Variants in FGF12 observed in about 807,000 individuals in gnomAD.
FGF12 encodes fibroblast growth factor 12, also known as fibroblast growth factor 12B.
Under a neutral mutation model 23.6 loss-of-function variants are expected in FGF12, and 14 were observed. That is an observed-to-expected ratio of 0.59 (90% CI 0.39 to 0.93). The LOEUF is 0.93. Among genes scored for constraint, FGF12 ranks in the 40% least tolerant of loss-of-function variants. The probability of loss-of-function intolerance (pLI) is 0.00; values close to 1 mark genes in which losing one functional copy is unlikely to be tolerated. For missense variants in FGF12, 175 were observed against 217.8 expected (o/e 0.80, Z 1.24); for synonymous variants, 62 against 77.3 (o/e 0.80, Z 1.04).
intron 4 of FGF12, among the ~76,000 whole-genome samples, chr3:192,231,716 G>A (rs891243476): frequency 6.6e-6 from 1 of 151,972 alleles, no homozygotes; most frequent in African/African-American, 2.4e-5. Flanking sequence ...GTTGCAGTGA[G>A]CCGTGAAGGT....
At chr3:192,399,858 C>T (rs115220585) in intron 2 of FGF12, among the ~76,000 whole-genome samples, 1,877 of 152,250 alleles carry the variant, frequency 0.012, 35 homozygotes, top group African/African-American at 0.041. Context: ...GGCCTTAGGG[C>T]CCTCTCTACT....
At chr3:192,378,026 TTTTC>T (rs202170804) in intron 2 of FGF12, among the ~76,000 whole-genome samples, 4,188 of 68,984 alleles carry the variant, frequency 0.061, 185 homozygotes, top group Admixed American at 0.12. Context: ...TGACTCTTTC[TTTTC>T]TTTCTTTCTT....
At chr3:192,415,088 A>ATATAAATT (rs1449692815) in intron 2 of FGF12, among the ~76,000 whole-genome samples, 1 of 152,184 alleles carries the variant, frequency 6.6e-6, no homozygotes, top group African/African-American at 2.4e-5. Flanking sequence ...AAGGGGAAAA[A>ATATAAATT]TATAAATTTC....
Position 192,705,750 on chromosome 3 carries a change from G to A in FGF12, c.13+21431C>T, listed in dbSNP as rs192061265. Among the ~76,000 whole-genome samples, 166 of 152,180 alleles carry A rather than the reference G, an allele frequency of 1.1e-3. 1 individual carries two copies. Among genetic ancestry groups the A allele is most frequent in the African/African-American group, 3.5e-3 (147 of 41,498 alleles). The stretch of plus-strand genomic sequence containing the variant: ...GTGCCAATAGACTTGCTCAACTCTC[G>A]GTTTCCACAGAGCTTCAATATGCGA... On this transcript the variant is annotated intron_variant, in intron 2 of 5. Coordinates refer to ENST00000445105, the MANE Select transcript of FGF12 (RefSeq NM_004113.6).
intron 2 of FGF12, among the ~76,000 whole-genome samples, chr3:192,519,514 A>G (rs1724762041): frequency 6.6e-6 from 1 of 152,162 alleles, no homozygotes; most frequent in Non-Finnish European, 1.5e-5. Context: ...AGTTATGTCT[A>G]CTAGATTTCC....
At chr3:192,484,381 A>T (rs1723570395) in intron 2 of FGF12, among the ~76,000 whole-genome samples, 1 of 151,772 alleles carries the variant, frequency 6.6e-6, no homozygotes, top group African/African-American at 2.4e-5. Context: ...CTAGAACCTG[A>T]TATAAACATA....
chr3:192,697,052 C>G (rs998133586), intron 2 of FGF12, among the ~76,000 whole-genome samples: 1 of 152,008 alleles, frequency 6.6e-6, no homozygotes, highest in Non-Finnish European at 1.5e-5. Flanking sequence ...CCCACCCTCC[C>G]CCGCCTCTCA....
At chr3:192,163,224 C>A (rs952554397) in intron 5 of FGF12, among the ~76,000 whole-genome samples, 20 of 152,014 alleles carry the variant, frequency 1.3e-4, no homozygotes, top group African/African-American at 4.8e-4. Context: ...CAAATCATTG[C>A]CAAATTTTGA....
At chr3:192,189,108 C>G (rs1416192641) in intron 4 of FGF12, among the ~76,000 whole-genome samples, 1 of 152,176 alleles carries the variant, frequency 6.6e-6, no homozygotes, top group Non-Finnish European at 1.5e-5. Context: ...ACATTTCATG[C>G]CAGCCGCAGC....
intron 2 of FGF12, among the ~76,000 whole-genome samples, chr3:192,403,332 T>C (rs930611628): frequency 6.6e-6 from 1 of 152,212 alleles, no homozygotes; most frequent in Non-Finnish European, 1.5e-5. Context: ...CATTAAAACT[T>C]TAAAGACTTA....
At position 192,491,269 on chromosome 3, in the gene FGF12, C is replaced by T. The variant is rs560785420; in HGVS notation, c.14-130731G>A. Reference sequence around the variant, plus strand: ...CCTCTTCTCCCCATAAGACCATGACCTCTCTGATGGCAAGGATCTCATCTG... The same window carrying T: ...CCTCTTCTCCCCATAAGACCATGACTTCTCTGATGGCAAGGATCTCATCTG... On this transcript the variant is annotated intron_variant, in intron 2 of 5. Coordinates refer to ENST00000445105, the MANE Select transcript of FGF12 (RefSeq NM_004113.6). Among the ~76,000 whole-genome samples the T allele has an allele frequency of 1.7e-4, 26 of 152,198 alleles. No homozygotes were observed. In the South Asian group the frequency reaches 3.7e-3, roughly 22 times the overall value.
chr3:192,588,390 A>T (rs538332470), intron 2 of FGF12, among the ~76,000 whole-genome samples: 2 of 150,498 alleles, frequency 1.3e-5, no homozygotes, highest in South Asian at 4.3e-4. Flanking sequence ...AAAAAAATTC[A>T]GCATCTGGAT....
At chr3:192,399,057 CATTCCAT>C (rs1720647800) in intron 2 of FGF12, among the ~76,000 whole-genome samples, 1 of 151,662 alleles carries the variant, frequency 6.6e-6, no homozygotes, top group African/African-American at 2.4e-5. Flanking sequence ...GGCATGCAAG[CATTCCAT>C]ATGATGATGC....
At chr3:192,338,082 G>C (rs1040934700) in intron 3 of FGF12, among the ~76,000 whole-genome samples, 1 of 152,032 alleles carries the variant, frequency 6.6e-6, no homozygotes. Flanking sequence ...AGGCTTTCAG[G>C]CTCCCTAATG....
chr3:192,625,064 T>C lies in FGF12; in HGVS notation c.13+102117A>G, dbSNP rs537649006. On this transcript the variant is annotated intron_variant, in intron 2 of 5. Transcript: ENST00000445105. Reference sequence around the variant, plus strand: ...TTCAAATATATAGGATTTCATTTTATAGATGTGCCATCATTTAGTTAGTAC... The same window carrying C: ...TTCAAATATATAGGATTTCATTTTACAGATGTGCCATCATTTAGTTAGTAC... Among the ~76,000 whole-genome samples, 7 of 152,302 alleles carry C rather than the reference T, an allele frequency of 4.6e-5. No homozygotes were observed. The East Asian group carries it at 9.6e-4, about 21-fold the overall frequency.
chr3:192,361,959 T>C (rs1279713836), intron 2 of FGF12, among the ~76,000 whole-genome samples: 4 of 152,220 alleles, frequency 2.6e-5, no homozygotes, highest in East Asian at 1.9e-4. Context: ...TTAATAGATA[T>C]GTATTATCTT....
intron 2 of FGF12, among the ~76,000 whole-genome samples, chr3:192,433,778 G>C (rs893119888): frequency 6.6e-6 from 1 of 152,150 alleles, no homozygotes; most frequent in Non-Finnish European, 1.5e-5. Flanking sequence ...AGAAACGTGG[G>C]AGAATTTCCC....
At chr3:192,500,752 A>G (rs2108832696) in intron 2 of FGF12, among the ~76,000 whole-genome samples, 1 of 152,372 alleles carries the variant, frequency 6.6e-6, no homozygotes, top group Middle Eastern at 3.4e-3. Context: ...AATAAGTGCC[A>G]GGCACTATCC....
intron 2 of FGF12, among the ~76,000 whole-genome samples, chr3:192,402,911 TCCATGAGTAAG>T (rs1282464884): frequency 6.6e-6 from 1 of 152,186 alleles, no homozygotes; most frequent in Non-Finnish European, 1.5e-5. Flanking sequence ...GTTCTGTAAT[TCCATGAGTAAG>T]CCAGAAGATA....
Sources: gnomAD v4.1 joint callset for allele counts (sites outside exome capture counted in the v4.1 genomes callset) on GRCh38, gnomAD v4.1.1 for gene constraint, MANE v1.5 for transcripts, NCBI Gene and HGNC (gene_info 2026-07-23, HGNC 2026-07-21) for gene names.